Variants in ST6GALNAC3 observed in about 807,000 individuals in gnomAD.
ST6GALNAC3 encodes alpha-N-acetylgalactosaminide alpha-2,6-sialyltransferase 3.
Under a neutral mutation model 32.7 loss-of-function variants are expected in ST6GALNAC3, and 25 were observed. The ratio of observed to expected loss-of-function variants is 0.76; its 90% CI spans 0.56 to 1.07. The LOEUF (loss-of-function observed/expected upper bound fraction) is 1.07, where lower values mean the gene tolerates loss of function less well. Ranked by LOEUF, ST6GALNAC3 falls within the 50% of genes least tolerant of loss-of-function variation. ST6GALNAC3 has a pLI of 0.00. For synonymous variants in ST6GALNAC3, 129 were observed against 133.1 expected, an observed-to-expected ratio of 0.97 and a Z score of 0.21; for missense variants, 355 against 382.4, an observed-to-expected ratio of 0.93 and a Z score of 0.60.
intron 1 of ST6GALNAC3, among the ~76,000 whole-genome samples, chr1:76,278,751 AG>A (rs1659328464): frequency 6.6e-6 from 1 of 152,176 alleles, no homozygotes; most frequent in Admixed American, 6.5e-5. Flanking sequence ...GTTCGAAGTT[AG>A]GTGTTATTTG....
At chr1:76,489,568 G>A (rs935902646) in intron 3 of ST6GALNAC3, among the ~76,000 whole-genome samples, 5 of 152,042 alleles carry the variant, frequency 3.3e-5, no homozygotes, top group Admixed American at 1.3e-4. Context: ...ATGCCTTGAC[G>A]TCAGAAACAC....
At chr1:76,483,154 T>C (rs1470056838) in intron 3 of ST6GALNAC3, among the ~76,000 whole-genome samples, 1 of 152,186 alleles carries the variant, frequency 6.6e-6, no homozygotes, top group Admixed American at 6.5e-5. Flanking sequence ...TTCCAAGTCT[T>C]TGCTGTTGTG....
chr1:76,105,328 TC>T (rs1322246998), intron 1 of ST6GALNAC3, among the ~76,000 whole-genome samples: 1 of 152,216 alleles, frequency 6.6e-6, no homozygotes, highest in Non-Finnish European at 1.5e-5. Flanking sequence ...GACAAAGACT[TC>T]TGCCTTGGTT....
At chr1:76,148,434 C>T (rs1650830952) in intron 1 of ST6GALNAC3, among the ~76,000 whole-genome samples, 1 of 152,110 alleles carries the variant, frequency 6.6e-6, no homozygotes, top group East Asian at 1.9e-4. Context: ...CTACATTTCC[C>T]CTCTTGGGCA....
At chr1:76,437,821 G>A (rs572536551) in intron 3 of ST6GALNAC3, among the ~76,000 whole-genome samples, 2 of 151,944 alleles carry the variant, frequency 1.3e-5, no homozygotes, top group East Asian at 1.9e-4. Flanking sequence ...TGATCCACCC[G>A]CCTCAGCCTC....
intron 1 of ST6GALNAC3, among the ~76,000 whole-genome samples, chr1:76,146,886 C>T (rs1292096689): frequency 1.3e-5 from 2 of 152,062 alleles, no homozygotes; most frequent in African/African-American, 4.8e-5. Context: ...CTAGGAAGAC[C>T]AGTGTTTGAT....
At chr1:76,617,291 C>A (rs1648358043) in intron 3 of ST6GALNAC3, among the ~76,000 whole-genome samples, 3 of 152,168 alleles carry the variant, frequency 2.0e-5, no homozygotes, top group East Asian at 3.9e-4. Flanking sequence ...CATTTCATTT[C>A]TCCTCTAAAA....
At chr1:76,263,607 T>C (rs1390390933) in intron 1 of ST6GALNAC3, among the ~76,000 whole-genome samples, 1 of 152,208 alleles carries the variant, frequency 6.6e-6, no homozygotes, top group East Asian at 1.9e-4. Flanking sequence ...AAAATATTTA[T>C]ATCCTACAAT....
At chr1:76,442,663 C>G (rs1304108095) in intron 3 of ST6GALNAC3, among the ~76,000 whole-genome samples, 1 of 152,222 alleles carries the variant, frequency 6.6e-6, no homozygotes, top group Non-Finnish European at 1.5e-5. Flanking sequence ...CAAGAACCCA[C>G]TGATTTGTAC....
intron 2 of ST6GALNAC3, among the ~76,000 whole-genome samples, chr1:76,381,777 A>G (rs1651732270): frequency 1.3e-5 from 2 of 152,160 alleles, no homozygotes; most frequent in African/African-American, 2.4e-5. Context: ...ATGTTCAGGG[A>G]TAATAAGACA....
chr1:76,535,453 AT>A (rs1363058756), intron 3 of ST6GALNAC3, among the ~76,000 whole-genome samples: 1 of 152,150 alleles, frequency 6.6e-6, no homozygotes, highest in East Asian at 1.9e-4. Context: ...TCCCCAGGTA[AT>A]GGACAAGTTC....
chr1:76,347,867 T>G (rs1006261967), intron 2 of ST6GALNAC3, among the ~76,000 whole-genome samples: 1 of 152,164 alleles, frequency 6.6e-6, no homozygotes, highest in African/African-American at 2.4e-5. Flanking sequence ...AATGCAATAA[T>G]GTATATAAAA....
chr1:76,558,713 TAACAA>T (rs1665071715), intron 3 of ST6GALNAC3, among the ~76,000 whole-genome samples: 5 of 152,220 alleles, frequency 3.3e-5, no homozygotes, highest in Admixed American at 3.3e-4. Flanking sequence ...TTTACCCATG[TAACAA>T]ACCTGCACAT....
At chr1:76,305,579 T>C (rs771957821) in intron 1 of ST6GALNAC3, among the ~76,000 whole-genome samples, 1 of 152,020 alleles carries the variant, frequency 6.6e-6, no homozygotes, top group Non-Finnish European at 1.5e-5. Flanking sequence ...AAAGACTCTT[T>C]CGGGAAAGAC....
At chr1:76,293,495 A>G (rs556467652) in intron 1 of ST6GALNAC3, among the ~76,000 whole-genome samples, 147 of 152,334 alleles carry the variant, frequency 9.6e-4, no homozygotes, top group Middle Eastern at 3.4e-3. Context: ...GAGGAAACTG[A>G]GTCCCAAAGA....
chr1:76,465,601 T>G (rs931603333), intron 3 of ST6GALNAC3, among the ~76,000 whole-genome samples: 2 of 152,170 alleles, frequency 1.3e-5, no homozygotes, highest in Non-Finnish European at 2.9e-5. Flanking sequence ...TTTGAGAAGG[T>G]AGAACTACAA....
At chr1:76,451,076 G>C (rs1657363884) in intron 3 of ST6GALNAC3, among the ~76,000 whole-genome samples, 1 of 152,106 alleles carries the variant, frequency 6.6e-6, no homozygotes, top group South Asian at 2.1e-4. Context: ...GTTTTTTCTA[G>C]TTCTGTGAAG....
At chr1:76,457,204 G>T (rs1657883022) in intron 3 of ST6GALNAC3, among the ~76,000 whole-genome samples, 1 of 151,242 alleles carries the variant, frequency 6.6e-6, no homozygotes, top group African/African-American at 2.5e-5. Context: ...AAATAAAAGA[G>T]GATACAAACA....
chr1:76,446,183 T>C (rs1656953599), intron 3 of ST6GALNAC3, among the ~76,000 whole-genome samples: 1 of 152,338 alleles, frequency 6.6e-6, no homozygotes, highest in Admixed American at 6.5e-5. Flanking sequence ...AGCTTCTTTT[T>C]TAAACAACAG....
Sources: gnomAD v4.1 joint callset for allele counts (sites outside exome capture counted in the v4.1 genomes callset) on GRCh38, gnomAD v4.1.1 for gene constraint, MANE v1.5 for transcripts, NCBI Gene and HGNC (gene_info 2026-07-23, HGNC 2026-07-21) for gene names.